Variants in MTMR3 observed in about 807,000 individuals in gnomAD.
MTMR3 encodes myotubularin related protein 3.
Under a neutral mutation model 132.4 loss-of-function variants are expected in MTMR3, and 32 were observed. The observed-to-expected ratio is 0.24, with a 90% CI of 0.18 to 0.32. The LOEUF is 0.32. MTMR3 is among the 10% of genes least tolerant of loss of function. MTMR3 has a pLI of 1.00. For synonymous variants in MTMR3, 556 were observed against 550.3 expected, an observed-to-expected ratio of 1.01 and a Z score of -0.14; for missense variants, 1,216 against 1,489.6, an observed-to-expected ratio of 0.82 and a Z score of 3.02.
intron 1 of MTMR3, among the ~76,000 whole-genome samples, chr22:29,906,233 TATCC>T (rs1325524556): frequency 1.4e-3 from 204 of 151,074 alleles, no homozygotes; most frequent in African/African-American, 3.7e-3. Context: ...GTCTCACATT[TATCC>T]ATCCATCCGT....
At chr22:29,922,890 G>GTTT (rs1244646272) in intron 1 of MTMR3, among the ~76,000 whole-genome samples, 1 of 134,630 alleles carries the variant, frequency 7.4e-6, no homozygotes, top group African/African-American at 2.8e-5. Flanking sequence ...AGTGACTAGT[G>GTTT]TTTTTTTTTT....
intron 1 of MTMR3, among the ~76,000 whole-genome samples, chr22:29,922,768 C>T (rs1462747270): frequency 2.6e-5 from 4 of 151,780 alleles, no homozygotes; most frequent in African/African-American, 9.7e-5. Context: ...ACATTCCTAC[C>T]AGCAATGCAC....
chr22:30,007,639 A>G, intron 10 of MTMR3: 2 of 561,350 alleles, frequency 3.6e-6, no homozygotes, highest in East Asian at 3.1e-5. Context: ...GACAACAGAT[A>G]CAGAAATGAA....
At chr22:29,888,726 C>T (rs1445616194) in intron 1 of MTMR3, among the ~76,000 whole-genome samples, 1 of 150,220 alleles carries the variant, frequency 6.7e-6, no homozygotes, top group Admixed American at 6.6e-5. Context: ...TTTCTGATTT[C>T]ACTTACCTGG....
At position 29,905,939 on chromosome 22, in the gene MTMR3, T is replaced by C. The variant is rs74278330; in HGVS notation, c.-138+22580T>C. Among the ~76,000 whole-genome samples, 6 of 152,334 alleles carry C rather than the reference T, an allele frequency of 3.9e-5. No homozygotes were observed. In the East Asian group the frequency reaches 1.2e-3, roughly 29 times the overall value. ...ATATTAACTTTTTTCAAAGTCATTA[T>C]ATATCCTTCTACTGACAAATGTCAA... On this transcript the variant is annotated intron_variant, in intron 1 of 19. Transcript: ENST00000401950.
intron 2 of MTMR3, among the ~76,000 whole-genome samples, chr22:29,960,886 C>CT (rs917429796): frequency 6.6e-6 from 1 of 151,966 alleles, no homozygotes; most frequent in African/African-American, 2.4e-5. Flanking sequence ...TGTTTAAAAG[C>CT]TTTTTTTGTA....
chr22:30,019,957 T>C lies in MTMR3; in HGVS notation c.2298T>C (p.Ser766=). ...GGCCTCTGTTCTCACAGGGCATTTC[T>C]GAACAGCAGAGTGGGCTCAGTGTTC... The part of the protein sequence containing the change: ...MSWPLFSQGI[S]EQQSGLSVLL... The change falls in exon 17 of 20, where the codon TCT becomes TCC. Residue 766 remains serine (S), a synonymous_variant. Transcript: ENST00000401950. 1 of 1,614,208 alleles carries C rather than the reference T, an allele frequency of 6.2e-7. No individual in the cohort carries two copies. The highest frequency in any genetic ancestry group is 8.5e-7 in the Non-Finnish European group (1 of 1,180,020).
intron 19 of MTMR3, 50 bp from the exon 20 acceptor site, chr22:30,025,580 G>A: frequency 1.9e-6 from 3 of 1,602,176 alleles, no homozygotes; most frequent in African/African-American, 1.3e-5. Context: ...GTTTCCCTCC[G>A]CATACCTGCT....
At chr22:29,977,381 T>C (rs964325920) in intron 3 of MTMR3, among the ~76,000 whole-genome samples, 2 of 152,220 alleles carry the variant, frequency 1.3e-5, no homozygotes, top group African/African-American at 4.8e-5. Context: ...TCCTATACCA[T>C]AAAAATTCAT....
intron 1 of MTMR3, among the ~76,000 whole-genome samples, chr22:29,920,222 A>C (rs554737386): frequency 2.0e-5 from 3 of 150,514 alleles, no homozygotes; most frequent in African/African-American, 7.3e-5. Context: ...TCAAAAAAAA[A>C]AACAAAAAAC....
chr22:29,886,770 A>C (rs114997516), intron 1 of MTMR3, among the ~76,000 whole-genome samples: 1 of 152,214 alleles, frequency 6.6e-6, no homozygotes, highest in Non-Finnish European at 1.5e-5. Context: ...TTATGTAGAA[A>C]GAACATGCTT....
At chr22:29,986,502 GTTT>G (rs57076001) in intron 5 of MTMR3, 3 of 713,508 alleles carry the variant, frequency 4.2e-6, no homozygotes, top group Admixed American at 6.6e-5. Context: ...AGGTTTGTTT[GTTT>G]TTTTTTTTCC....
At chr22:29,924,483 C>T (rs1238150115) in intron 1 of MTMR3, among the ~76,000 whole-genome samples, 1 of 152,100 alleles carries the variant, frequency 6.6e-6, no homozygotes, top group Non-Finnish European at 1.5e-5. Context: ...GTAAGTTTTG[C>T]AGTCAGTTAG....
At chr22:29,890,626 C>T (rs1055673592) in intron 1 of MTMR3, among the ~76,000 whole-genome samples, 7 of 152,182 alleles carry the variant, frequency 4.6e-5, no homozygotes, top group Non-Finnish European at 8.8e-5. Flanking sequence ...TTCCCATCAA[C>T]AGTGTATTAG....
intron 3 of MTMR3, among the ~76,000 whole-genome samples, chr22:29,973,265 A>G (rs1360466132): frequency 3.3e-5 from 5 of 152,226 alleles, no homozygotes; most frequent in Admixed American, 3.3e-4. Flanking sequence ...GTTAAGCATT[A>G]GCAAAATATA....
At chr22:30,017,820 AGCCCTGTTG>A (rs1429840658) in intron 15 of MTMR3, 98 bp from the exon 16 acceptor site, 1 of 1,380,134 alleles carries the variant, frequency 7.2e-7, no homozygotes, top group Non-Finnish European at 1.0e-6. Context: ...AGATCCTGTC[AGCCCTGTTG>A]GGTATTCCAG....
At chr22:29,971,262 T>C (rs535989623) in intron 3 of MTMR3, among the ~76,000 whole-genome samples, 200 bp downstream of exon 3, 1 of 152,274 alleles carries the variant, frequency 6.6e-6, no homozygotes, top group South Asian at 2.1e-4. Context: ...AGCAGTTTCA[T>C]TTCTGTTAAC....
chr22:29,954,809 G>A (rs550361464), intron 1 of MTMR3, among the ~76,000 whole-genome samples: 1 of 152,216 alleles, frequency 6.6e-6, no homozygotes, highest in East Asian at 1.9e-4. Context: ...TTACCTGTTG[G>A]ACGTACATCT....
intron 1 of MTMR3, among the ~76,000 whole-genome samples, chr22:29,917,475 C>A (rs184271141): frequency 6.6e-6 from 1 of 152,118 alleles, no homozygotes; most frequent in Admixed American, 6.5e-5. Flanking sequence ...AGGGAGAACG[C>A]GTCTCTTAAA....
Sources: gnomAD v4.1 joint callset for allele counts (sites outside exome capture counted in the v4.1 genomes callset) on GRCh38, gnomAD v4.1.1 for gene constraint, MANE v1.5 for transcripts, NCBI Gene and HGNC (gene_info 2026-07-23, HGNC 2026-07-21) for gene names.